MAN2B2: variants seen among roughly 807,000 people sequenced by gnomAD.
MAN2B2 encodes epididymis-specific alpha-mannosidase.
In MAN2B2, 106 loss-of-function variants were observed where a neutral mutation model predicts 117.1. The ratio of observed to expected loss-of-function variants is 0.90; its 90% CI spans 0.77 to 1.06. The LOEUF is 1.06. MAN2B2 is among the 50% of genes least tolerant of loss of function. The probability of loss-of-function intolerance (pLI) is 0.00; values close to 1 mark genes in which losing one functional copy is unlikely to be tolerated. For synonymous variants in MAN2B2, 544 were observed against 595.1 expected (o/e 0.91, Z 1.25); for missense variants, 1,326 against 1,381.4 (o/e 0.96, Z 0.64).
intron 3 of MAN2B2, among the ~76,000 whole-genome samples, chr4:6,579,386 C>CA: frequency 2.0e-5 from 1 of 50,798 alleles, no homozygotes. Flanking sequence ...CCACCACTAC[C>CA]CTTCACCATC....
At chr4:6,620,304 C>A in intron 18 of MAN2B2, 1 of 366,488 alleles carries the variant, frequency 2.7e-6, no homozygotes. Flanking sequence ...ACACGCCCTG[C>A]CTGTGCCCTG....
intron 6 of MAN2B2, among the ~76,000 whole-genome samples, chr4:6,593,906 G>T (rs1180162969): frequency 6.6e-6 from 1 of 152,128 alleles, no homozygotes; most frequent in Non-Finnish European, 1.5e-5. Flanking sequence ...AGAGGTTAAG[G>T]AATTTTCCTG....
At chr4:6,576,450 G>A in intron 1 of MAN2B2, 128 bp from the exon 2 acceptor site, 2 of 1,084,992 alleles carry the variant, frequency 1.8e-6, no homozygotes, top group Non-Finnish European at 2.7e-6. Flanking sequence ...AGCTGTGTGG[G>A]GGGTGAGCAG....
Position 6,605,067 on chromosome 4 carries a change from A to C in MAN2B2, c.1552A>C (p.Thr518Pro). Residue 518 changes from threonine to proline, a missense_variant, in exon 11 of 19, where the codon ACA becomes CCA. Physicochemically the swap from Thr to Pro is conservative, Grantham distance 38. Coordinates refer to ENST00000285599, the MANE Select transcript of MAN2B2 (RefSeq NM_015274.3). ...GCTGGCCTTGCAGATCCAGAACTCA[A>C]CAGAGACCCCATCTGCGTATGACCT... ...HPVPSQIQNSTETPSAYDLLI... is the reference protein window; with the variant it reads ...HPVPSQIQNSPETPSAYDLLI... 1 of 1,613,208 alleles carries C rather than the reference A, an allele frequency of 6.2e-7. No individual in the cohort carries two copies. Among genetic ancestry groups the C allele is most frequent in the South Asian group, 1.1e-5 (1 of 91,064 alleles).
chr4:6,591,010 A>G (rs1472773206), intron 5 of MAN2B2, among the ~76,000 whole-genome samples: 1 of 152,128 alleles, frequency 6.6e-6, no homozygotes, highest in Non-Finnish European at 1.5e-5. Context: ...TTAGCCAGGC[A>G]TGGCAGCATT....
intron 10 of MAN2B2, among the ~76,000 whole-genome samples, chr4:6,601,598 C>T (rs1351826120): frequency 6.6e-6 from 1 of 152,192 alleles, no homozygotes; most frequent in African/African-American, 2.4e-5. Flanking sequence ...GCCCTCTAAC[C>T]CGGGCTCGCT....
chr4:6,607,513 A>T lies in MAN2B2; in HGVS notation c.1815-1594A>T, dbSNP rs1056466836. 2.0e-5 allele frequency among the ~76,000 whole-genome samples: 3 copies of T among 152,068 alleles called. No individual in the cohort carries two copies. In the South Asian group the frequency reaches 6.2e-4, roughly 32 times the overall value. ...AGCCACCATGCCCAACCCACAACCCACTTAGCATGTTTTCAAGGTTCATCA... is the reference window on the plus strand; with the variant it reads ...AGCCACCATGCCCAACCCACAACCCTCTTAGCATGTTTTCAAGGTTCATCA... On this transcript the variant is annotated intron_variant, in intron 11 of 18. Transcript: ENST00000285599.
chr4:6,581,314 A>C (rs1726419480), intron 3 of MAN2B2, among the ~76,000 whole-genome samples: 1 of 152,262 alleles, frequency 6.6e-6, no homozygotes, highest in South Asian at 2.1e-4. Flanking sequence ...GCCTCAGAAC[A>C]GCCTGGTAGC....
rs1726552050 is a variant in MAN2B2 at position 6,584,324 on chromosome 4, C to T, written c.392-2672C>T. Among the ~76,000 whole-genome samples the T allele has an allele frequency of 5.3e-5, 8 of 152,346 alleles. No individual in the cohort carries two copies. In the South Asian group the frequency reaches 1.7e-3, roughly 32 times the overall value. ...ATTCTCATGTCCTTACCCTTGTGGTCACGATATGGCTGCCATAGCTCCAGC... is the reference window on the plus strand; with the variant it reads ...ATTCTCATGTCCTTACCCTTGTGGTTACGATATGGCTGCCATAGCTCCAGC... On this transcript the variant is annotated intron_variant, in intron 3 of 18. Coordinates refer to ENST00000285599, the MANE Select transcript of MAN2B2 (RefSeq NM_015274.3).
intron 11 of MAN2B2, among the ~76,000 whole-genome samples, chr4:6,608,592 T>A (rs16838992): frequency 6.6e-6 from 1 of 152,130 alleles, no homozygotes; most frequent in Admixed American, 6.5e-5. Context: ...TTCCTAGATG[T>A]GTGATCTTGG....
At chr4:6,609,656 T>C in intron 12 of MAN2B2, 142 bp from the exon 13 acceptor site, 3 of 1,065,318 alleles carry the variant, frequency 2.8e-6, no homozygotes, top group Non-Finnish European at 4.1e-6. Flanking sequence ...GGTGGTGCTA[T>C]TGTCCACATG....
At position 6,611,102 on chromosome 4, in the gene MAN2B2, G is replaced by A. The variant is rs1424226532; in HGVS notation, c.2387G>A (p.Arg796Gln). 6 of 1,613,376 alleles carry A rather than the reference G, an allele frequency of 3.7e-6. No homozygotes were observed. Among genetic ancestry groups the A allele is most frequent in the South Asian group, 3.3e-5 (3 of 91,060 alleles). The change falls in exon 15 of 19, where the codon CGG (arginine) becomes CAG (glutamine). Residue 796 changes from arginine (R) to glutamine (Q), a missense_variant. Arg to Gln is a conservative substitution (Grantham distance 43). Transcript: ENST00000285599. ...NGQVEVMLHR[R>Q]LWNNFDWDLG... ...TTCCCGCAGGTCATGCTCCACCGGC[G>A]GCTGTGGAACAACTTCGACTGGGAC...
chr4:6,613,670 AAGGG>A, intron 15 of MAN2B2, among the ~76,000 whole-genome samples: 1 of 129,770 alleles, frequency 7.7e-6, no homozygotes, highest in Non-Finnish European at 1.6e-5. Context: ...GGAAGGAAAG[AAGGG>A]AGGAAGGAAG....
intron 3 of MAN2B2, among the ~76,000 whole-genome samples, chr4:6,585,381 T>A (rs578022988): frequency 1.1e-4 from 16 of 152,338 alleles, no homozygotes; most frequent in Non-Finnish European, 2.2e-4. Flanking sequence ...GTGCAGATTA[T>A]AACACCCATC....
At chr4:6,584,613 A>G (rs1726562055) in intron 3 of MAN2B2, among the ~76,000 whole-genome samples, 1 of 152,198 alleles carries the variant, frequency 6.6e-6, no homozygotes, top group South Asian at 2.1e-4. Context: ...CCCTAGTTAG[A>G]GGTTGGTTGG....
chr4:6,589,208 G>A, intron 5 of MAN2B2, 48 bp downstream of exon 5: 1 of 1,397,980 alleles, frequency 7.2e-7, no homozygotes, highest in South Asian at 1.2e-5. Flanking sequence ...AGCAGGGTCT[G>A]CCCAGCCCCT....
At position 6,622,981 on chromosome 4, in the gene MAN2B2, T is replaced by G. The variant is rs955391093; in HGVS notation, c.*1696T>G. On this transcript the variant is annotated 3_prime_UTR_variant, in exon 19 of 19. Coordinates refer to ENST00000285599, the MANE Select transcript of MAN2B2 (RefSeq NM_015274.3). ...TGAGCAGCCACCAGAGGCATGGATG[T>G]GCAGTGGGAGGTTGAGGCACAAGGA... The G allele has an allele frequency of 1.3e-5, 2 of 152,068 alleles. No individual in the cohort carries two copies. The highest frequency in any genetic ancestry group is 2.4e-5 in the African/African-American group (1 of 40,938). The allele number at this position is 152,068 out of a possible 1,614,324, so 9.4% of individuals were successfully genotyped here. A position where few individuals can be genotyped will look rare whatever the true frequency, so the allele number is the denominator to read the frequency against.
At chr4:6,582,281 CCTTCT>C (rs1472650146) in intron 3 of MAN2B2, among the ~76,000 whole-genome samples, 1 of 152,190 alleles carries the variant, frequency 6.6e-6, no homozygotes, top group African/African-American at 2.4e-5. Context: ...CTCTCTTCCA[CCTTCT>C]CTTGTCTCTC....
chr4:6,577,699 T>C (rs572145285), intron 2 of MAN2B2, among the ~76,000 whole-genome samples: 2 of 152,374 alleles, frequency 1.3e-5, no homozygotes, highest in Admixed American at 1.3e-4. Context: ...GAGCGTCCCA[T>C]GCTTCTTCAG....
Sources: gnomAD v4.1 joint callset for allele counts (sites outside exome capture counted in the v4.1 genomes callset) on GRCh38, gnomAD v4.1.1 for gene constraint, MANE v1.5 for transcripts, NCBI Gene and HGNC (gene_info 2026-07-23, HGNC 2026-07-21) for gene names.